RYR3: variants seen among roughly 807,000 people sequenced by gnomAD.
The protein encoded by RYR3 is ryanodine receptor 3, also known as brain ryanodine receptor-calcium release channel.
RYR3 carries 207 observed loss-of-function variants against 584.3 expected under a neutral mutation model. The ratio of observed to expected loss-of-function variants is 0.35; its 90% CI spans 0.32 to 0.40. The LOEUF (loss-of-function observed/expected upper bound fraction) is 0.40. RYR3 is among the 10% of genes least tolerant of loss of function. RYR3 has a pLI of 1.00. For synonymous variants in RYR3, 2,416 were observed against 2,248.5 expected (o/e 1.07, Z -2.11); for missense variants, 5,616 against 6,089.2 (o/e 0.92, Z 2.59).
At chr15:33,551,932 G>A (rs1293982251) in intron 10 of RYR3, among the ~76,000 whole-genome samples, 1 of 152,174 alleles carries the variant, frequency 6.6e-6, no homozygotes, top group African/African-American at 2.4e-5. Context: ...AGCTGAAGGT[G>A]GGCGGCAGTA....
intron 39 of RYR3, among the ~76,000 whole-genome samples, chr15:33,696,763 C>T (rs1172200616): frequency 6.6e-6 from 1 of 152,166 alleles, no homozygotes; most frequent in African/African-American, 2.4e-5. Context: ...CCCATGAAAA[C>T]ATCTGGAGGA....
chr15:33,795,324 G>A (rs538284921), intron 67 of RYR3, among the ~76,000 whole-genome samples: 13 of 150,374 alleles, frequency 8.6e-5, no homozygotes, highest in East Asian at 2.0e-4. Context: ...TAAGTGCTTC[G>A]TTTCCGCATG....
intron 69 of RYR3, among the ~76,000 whole-genome samples, chr15:33,805,640 G>GC (rs1415285280): frequency 1.3e-5 from 2 of 151,658 alleles, no homozygotes; most frequent in Non-Finnish European, 2.9e-5. Flanking sequence ...ACCACGCCCG[G>GC]CTAATTTTTT....
At chr15:33,552,912 C>T (rs1567518991) in intron 10 of RYR3, among the ~76,000 whole-genome samples, 1 of 152,172 alleles carries the variant, frequency 6.6e-6, no homozygotes, top group Non-Finnish European at 1.5e-5. Context: ...CTTCCCCTCC[C>T]TGGGCGCTAG....
intron 98 of RYR3, among the ~76,000 whole-genome samples, 160 bp from the exon 99 acceptor site, chr15:33,857,620 C>G (rs944662297): frequency 6.6e-6 from 1 of 152,158 alleles, no homozygotes; most frequent in African/African-American, 2.4e-5. Context: ...TCCTCCTCTG[C>G]TCATGGCCTG....
intron 38 of RYR3, among the ~76,000 whole-genome samples, chr15:33,681,457 C>T (rs2064607071): frequency 6.6e-6 from 1 of 152,144 alleles, no homozygotes; most frequent in East Asian, 1.9e-4. Context: ...TCTGAAAAGT[C>T]TCTTTTGTAA....
chr15:33,473,515 T>C lies in RYR3; in HGVS notation c.148T>C (p.Leu50=). 1 of 1,613,988 alleles carries C rather than the reference T, an allele frequency of 6.2e-7. No individual in the cohort carries two copies. The highest frequency in any genetic ancestry group is 8.5e-7 in the Non-Finnish European group (1 of 1,179,878). Residue 50 remains leucine (L), a synonymous_variant, in exon 2 of 104, where the codon TTG becomes CTG. Transcript: ENST00000634891. ...GGGACTTGGGAATCGCCTGTGCTTC[T>C]TGGAACCCACTTCAGAAGCCAAGGT... ...AEGLGNRLCF[L]EPTSEAKYIP...
At chr15:33,743,522 A>G (rs1596390377) in intron 52 of RYR3, among the ~76,000 whole-genome samples, 1 of 152,182 alleles carries the variant, frequency 6.6e-6, no homozygotes, top group East Asian at 1.9e-4. Flanking sequence ...GATTTGGCTT[A>G]GGGGGCATAG....
intron 48 of RYR3, among the ~76,000 whole-genome samples, chr15:33,732,931 C>A (rs2069092836): frequency 6.6e-6 from 1 of 152,146 alleles, no homozygotes; most frequent in South Asian, 2.1e-4. Context: ...CTTTTCTAAT[C>A]ACAGATGAAA....
intron 1 of RYR3, among the ~76,000 whole-genome samples, chr15:33,402,951 C>T (rs964811479): frequency 6.6e-6 from 1 of 152,182 alleles, no homozygotes; most frequent in African/African-American, 2.4e-5. Context: ...TGCCTCACTG[C>T]GTCAGCCACA....
At chr15:33,426,227 A>G (rs1206099519) in intron 1 of RYR3, among the ~76,000 whole-genome samples, 2 of 152,206 alleles carry the variant, frequency 1.3e-5, no homozygotes, top group Non-Finnish European at 2.9e-5. Flanking sequence ...CAGGAATTGA[A>G]TTAATACTTT....
intron 67 of RYR3, among the ~76,000 whole-genome samples, chr15:33,789,648 ATATATATATATTTTTTTTTTTTTTT>A (rs2074997397): frequency 1.2e-4 from 3 of 24,352 alleles, no homozygotes; most frequent in East Asian, 2.5e-3. Context: ...ATATATATAT[ATATATATATATTTTTTTTTTTTTTT>A]TTTTTTTTTT....
intron 103 of RYR3, 157 bp from the exon 104 acceptor site, chr15:33,864,974 G>A: frequency 1.7e-6 from 1 of 573,416 alleles, no homozygotes; most frequent in Non-Finnish European, 3.1e-6. Context: ...TTCCCAAACA[G>A]CCTGTGCTGG....
chr15:33,728,875 C>A lies in RYR3; in HGVS notation c.7052C>A (p.Pro2351Gln). ...CTTTCAGATGGGTCGGTCAGTGAGC[C>A]AGATATGGCGGCCAATTTCTGCCCT... is the stretch of plus-strand genomic sequence containing the variant. ...SLNKDGSVSE[P>Q]DMAANFCPDH... The change falls in exon 47 of 104, where the codon CCA becomes CAA. Residue 2351 changes from proline to glutamine, a missense_variant. Transcript: ENST00000634891. 6.2e-7 allele frequency: 1 copy of A among 1,611,988 alleles called. No homozygotes were observed. Among genetic ancestry groups the A allele is most frequent in the East Asian group, 2.2e-5 (1 of 44,872 alleles).
intron 3 of RYR3, among the ~76,000 whole-genome samples, chr15:33,516,552 T>C (rs1388158790): frequency 1.3e-5 from 2 of 152,018 alleles, no homozygotes; most frequent in African/African-American, 4.8e-5. Flanking sequence ...GCCAAGCTGG[T>C]CTTGAACTCC....
chr15:33,865,300 G>GAAGCGCGACAATTCTGGACACT lies in RYR3; in HGVS notation c.*74_*75insAAGCGCGACAATTCTGGACACT. 2 of 991,310 alleles carry GAAGCGCGACAATTCTGGACACT rather than the reference G, an allele frequency of 2.0e-6. No individual in the cohort carries two copies. The highest frequency in any genetic ancestry group is 1.6e-5 in the African/African-American group (1 of 61,622). The allele number at this position is 991,310 out of a possible 1,614,324, so 61.4% of individuals were successfully genotyped here. On this transcript the variant is annotated 3_prime_UTR_variant, in exon 104 of 104. Coordinates refer to ENST00000634891, the MANE Select transcript of RYR3 (RefSeq NM_001036.6). The stretch of plus-strand genomic sequence containing the variant: ...AATAAAGTCCCCTTTTTACAGTTCT[G>GAAGCGCGACAATTCTGGACACT]CAACATATCTGAAATGTGACATTTT...
chr15:33,805,131 T>C (rs2076115503), intron 69 of RYR3, among the ~76,000 whole-genome samples: 1 of 152,212 alleles, frequency 6.6e-6, no homozygotes, highest in Admixed American at 6.5e-5. Flanking sequence ...AGCAAGTGTT[T>C]TTTGTTTTGA....
At chr15:33,337,282 AAAG>A (rs1971236183) in intron 1 of RYR3, among the ~76,000 whole-genome samples, 1 of 152,130 alleles carries the variant, frequency 6.6e-6, no homozygotes, top group Non-Finnish European at 1.5e-5. Flanking sequence ...ACTGACTCAC[AAAG>A]AAGAAGACAA....
intron 20 of RYR3, among the ~76,000 whole-genome samples, chr15:33,625,336 G>A (rs1046669498): frequency 2.6e-5 from 4 of 152,212 alleles, no homozygotes; most frequent in African/African-American, 9.7e-5. Context: ...TGGGGACACA[G>A]AGCCAAACTA....
Sources: gnomAD v4.1 joint callset for allele counts (sites outside exome capture counted in the v4.1 genomes callset) on GRCh38, gnomAD v4.1.1 for gene constraint, MANE v1.5 for transcripts, NCBI Gene and HGNC (gene_info 2026-07-23, HGNC 2026-07-21) for gene names.